NRXN3: variants seen among roughly 807,000 people sequenced by gnomAD.
The protein encoded by NRXN3 is neurexin 3, also known as neurexin III.
In NRXN3, 32 loss-of-function variants were observed where a neutral mutation model predicts 137.6. That is an observed-to-expected ratio of 0.23 (90% CI 0.18 to 0.31). The LOEUF (loss-of-function observed/expected upper bound fraction) is 0.31, where lower values mean the gene tolerates loss of function less well. Among genes scored for constraint, NRXN3 ranks in the 10% least tolerant of loss-of-function variants. NRXN3 has a pLI of 1.00. For synonymous variants in NRXN3, 798 were observed against 784.5 expected (o/e 1.02, Z -0.29); for missense variants, 1,574 against 2,062.5 (o/e 0.76, Z 4.59).
At chr14:79,106,525 G>T (rs925565231) in intron 15 of NRXN3, among the ~76,000 whole-genome samples, 1 of 151,398 alleles carries the variant, frequency 6.6e-6, no homozygotes, top group African/African-American at 2.4e-5. Flanking sequence ...GCAAAACAAA[G>T]AAAAAATTAC....
chr14:78,345,598 G>T (rs74064052), intron 4 of NRXN3, among the ~76,000 whole-genome samples: 5,453 of 152,134 alleles, frequency 0.036, 279 homozygotes, highest in African/African-American at 0.12. Context: ...CTTAGGGAGA[G>T]ATTTCCTCTC....
chr14:79,008,248 C>G (rs907514170), intron 15 of NRXN3, among the ~76,000 whole-genome samples: 2 of 152,076 alleles, frequency 1.3e-5, no homozygotes, highest in Non-Finnish European at 1.5e-5. Flanking sequence ...TTTTAAAAGC[C>G]CAATTCAATT....
At chr14:79,333,691 G>A (rs1239725460) in intron 15 of NRXN3, among the ~76,000 whole-genome samples, 1 of 152,130 alleles carries the variant, frequency 6.6e-6, no homozygotes, top group Non-Finnish European at 1.5e-5. Context: ...TTCAACTTTT[G>A]CTTCTCCTTT....
At chr14:79,180,564 T>C (rs1434189926) in intron 15 of NRXN3, among the ~76,000 whole-genome samples, 1 of 152,206 alleles carries the variant, frequency 6.6e-6, no homozygotes, top group East Asian at 1.9e-4. Flanking sequence ...AATTAACTGC[T>C]ATTTTTTATT....
At chr14:78,471,797 G>C (rs2095278446) in intron 4 of NRXN3, among the ~76,000 whole-genome samples, 1 of 152,182 alleles carries the variant, frequency 6.6e-6, no homozygotes, top group Non-Finnish European at 1.5e-5. Context: ...TGCACAGAGA[G>C]GGTGAAACAA....
At position 79,640,700 on chromosome 14, in the gene NRXN3, C is replaced by T. The variant is rs147356352; in HGVS notation, c.3445-23078C>T. Among the ~76,000 whole-genome samples the T allele has an allele frequency of 1.7e-3, 232 of 135,898 alleles. 27 individuals are homozygous for T. Among genetic ancestry groups the T allele is most frequent in the African/African-American group, 3.9e-3 (159 of 40,920 alleles). 89.2% of individuals were successfully genotyped at this position (135,898 alleles called of 152,430 possible). On this transcript the variant is annotated intron_variant, in intron 16 of 20. Transcript: ENST00000335750. ...AATATATGCTCTTCAAAAGCTCTCTCGGCTTCATTTCAAGCATGGAAAGCT... is the reference window on the plus strand; with the variant it reads ...AATATATGCTCTTCAAAAGCTCTCTTGGCTTCATTTCAAGCATGGAAAGCT...
intron 15 of NRXN3, among the ~76,000 whole-genome samples, chr14:79,018,988 T>G (rs1473368551): frequency 6.6e-6 from 1 of 152,198 alleles, no homozygotes; most frequent in Non-Finnish European, 1.5e-5. Flanking sequence ...ATTTTTATCT[T>G]CTTACTCAGT....
At chr14:78,222,600 C>CT (rs961231272) in intron 1 of NRXN3, among the ~76,000 whole-genome samples, 10 of 150,002 alleles carry the variant, frequency 6.7e-5, no homozygotes, top group Non-Finnish European at 1.0e-4. Flanking sequence ...GTGTTGGGAA[C>CT]TTTTTTTTTT....
chr14:79,402,752 C>T (rs1243440624), intron 15 of NRXN3, among the ~76,000 whole-genome samples: 1 of 152,168 alleles, frequency 6.6e-6, no homozygotes, highest in Non-Finnish European at 1.5e-5. Flanking sequence ...TTCATTAATT[C>T]ATCAATTCAA....
At chr14:79,297,003 A>G (rs771864734) in intron 15 of NRXN3, among the ~76,000 whole-genome samples, 13 of 152,142 alleles carry the variant, frequency 8.5e-5, no homozygotes, top group Non-Finnish European at 1.6e-4. Context: ...AACCATTCAT[A>G]TTCACCACTA....
intron 15 of NRXN3, among the ~76,000 whole-genome samples, chr14:79,006,341 C>A (rs2099552788): frequency 6.6e-6 from 1 of 151,930 alleles, no homozygotes; most frequent in South Asian, 2.1e-4. Context: ...AACAAACAAA[C>A]AAACAAACAA....
chr14:79,050,300 T>C (rs1412075868), intron 15 of NRXN3, among the ~76,000 whole-genome samples: 1 of 152,220 alleles, frequency 6.6e-6, no homozygotes, highest in African/African-American at 2.4e-5. Flanking sequence ...TCATCATAAA[T>C]GGTAATGTCC....
rs775632550 is a variant in NRXN3, at chr14:79,641,042, C to T, written c.3445-22736C>T. 9.0e-5 allele frequency among the ~76,000 whole-genome samples: 12 copies of T among 133,704 alleles called. 3 individuals carry two copies. The highest frequency in any genetic ancestry group is 1.7e-4 in the Non-Finnish European group (10 of 57,514). The allele number at this position is 133,704 out of a possible 152,430, so 87.7% of individuals were successfully genotyped here. ...TTTTTTTTTGAGACAGAGTCTCGCTCTGTCTCCCAGGCTGGAGTGCAGTGG... is the reference window on the plus strand; with the variant it reads ...TTTTTTTTTGAGACAGAGTCTCGCTTTGTCTCCCAGGCTGGAGTGCAGTGG... On this transcript the variant is annotated intron_variant, in intron 16 of 20. Coordinates refer to ENST00000335750, the MANE Select transcript of NRXN3 (RefSeq NM_001330195.2).
chr14:78,977,340 A>T (rs1468647116), intron 14 of NRXN3, among the ~76,000 whole-genome samples: 1 of 152,204 alleles, frequency 6.6e-6, no homozygotes, highest in African/African-American at 2.4e-5. Context: ...ACAATGTTAG[A>T]GCAAAGTATT....
intron 15 of NRXN3, among the ~76,000 whole-genome samples, chr14:79,403,989 G>T (rs1028105161): frequency 6.6e-6 from 1 of 152,160 alleles, no homozygotes; most frequent in Non-Finnish European, 1.5e-5. Flanking sequence ...TTGGAAAAGT[G>T]CTGCTAAAGA....
chr14:78,293,999 C>A (rs1279986165), intron 3 of NRXN3, among the ~76,000 whole-genome samples: 1 of 152,172 alleles, frequency 6.6e-6, no homozygotes, highest in African/African-American at 2.4e-5. Flanking sequence ...TCCATCTAAA[C>A]CCTAAACCAT....
chr14:79,409,524 T>G (rs1366823734), intron 15 of NRXN3, among the ~76,000 whole-genome samples: 7 of 149,686 alleles, frequency 4.7e-5, no homozygotes, highest in African/African-American at 1.7e-4. Context: ...TATATATACA[T>G]GTATATATGT....
chr14:78,195,327 G>A (rs761117300), intron 1 of NRXN3, among the ~76,000 whole-genome samples: 5 of 152,076 alleles, frequency 3.3e-5, no homozygotes, highest in Non-Finnish European at 5.9e-5. Context: ...TCATTCGTTC[G>A]TTCGTTCATT....
rs190331606 is a variant in NRXN3, at chr14:78,326,700, C to T, written c.757+28840C>T. 5.2e-3 allele frequency among the ~76,000 whole-genome samples: 797 copies of T among 152,250 alleles called. 4 individuals are homozygous for T. Among genetic ancestry groups the T allele is most frequent in the Non-Finnish European group, 7.7e-3 (523 of 68,016 alleles). On this transcript the variant is annotated intron_variant, in intron 4 of 20. Transcript: ENST00000335750. ...GAGCAATGGAGGTTGAGGCAAAATT[C>T]GCTCTGAAGTTACACATTTAATTCT...
Sources: gnomAD v4.1 joint callset for allele counts (sites outside exome capture counted in the v4.1 genomes callset) on GRCh38, gnomAD v4.1.1 for gene constraint, MANE v1.5 for transcripts, NCBI Gene and HGNC (gene_info 2026-07-23, HGNC 2026-07-21) for gene names.